The following VGLL4 variants were observed in gnomAD, a reference collection of about 807,000 sequenced individuals.
The protein encoded by VGLL4 is transcription cofactor vestigial-like protein 4.
VGLL4 carries 7 observed loss-of-function variants against 21.0 expected under a neutral mutation model. That is an observed-to-expected ratio of 0.33 (90% CI 0.19 to 0.63). The LOEUF (loss-of-function observed/expected upper bound fraction) is 0.63, where lower values mean the gene tolerates loss of function less well. Ranked by LOEUF, VGLL4 falls within the 20% of genes least tolerant of loss-of-function variation. The pLI, the probability that VGLL4 is intolerant of heterozygous loss-of-function variation, is 0.78. For missense variants in VGLL4, 394 were observed against 425.7 expected, an observed-to-expected ratio of 0.93 and a Z score of 0.66; for synonymous variants, 222 against 173.2, an observed-to-expected ratio of 1.28 and a Z score of -2.21.
intron 2 of VGLL4, among the ~76,000 whole-genome samples, chr3:11,691,970 A>G (rs533520095): frequency 6.9e-6 from 1 of 144,048 alleles, no homozygotes; most frequent in Non-Finnish European, 1.5e-5. Context: ...GGGTAGGGAG[A>G]AGTGCACCAA....
intron 2 of VGLL4, among the ~76,000 whole-genome samples, chr3:11,655,034 TTTGTGAGGCCA>T (rs1317382604): frequency 6.6e-6 from 1 of 152,224 alleles, no homozygotes; most frequent in Non-Finnish European, 1.5e-5. Context: ...GAGGCTTCTA[TTTGTGAGGCCA>T]TTGGCATTAT....
chr3:11,575,712 T>C (rs892062773), intron 2 of VGLL4, among the ~76,000 whole-genome samples: 2 of 152,212 alleles, frequency 1.3e-5, no homozygotes, highest in Non-Finnish European at 2.9e-5. Flanking sequence ...TCTCCATCTT[T>C]CCATTCTCCC....
At chr3:11,688,004 C>A (rs1000873741) in intron 2 of VGLL4, among the ~76,000 whole-genome samples, 1 of 152,026 alleles carries the variant, frequency 6.6e-6, no homozygotes, top group Admixed American at 6.6e-5. Flanking sequence ...CAAATAGGTG[C>A]CGAATTTCAT....
chr3:11,643,185 G>C (rs963242086), intron 1 of VGLL4, among the ~76,000 whole-genome samples: 4 of 152,182 alleles, frequency 2.6e-5, no homozygotes, highest in Non-Finnish European at 5.9e-5. Context: ...TGAGGCGCGA[G>C]TACGTTGCAA....
At position 11,602,021 on chromosome 3, in the gene VGLL4, G is replaced by A. The variant is rs568979673; in HGVS notation, c.84C>T (p.Gly28=). The change falls in exon 2 of 5, where the codon GGC becomes GGT. Residue 28 remains glycine (G), a splice_region_variant and synonymous_variant. Coordinates refer to ENST00000430365, the MANE Select transcript of VGLL4 (RefSeq NM_001128219.3). ...NNNIGILCYE[G]EAALRGEPRI... is the part of the protein sequence containing the mutation. ...TGGGTTCTCCCCTGAGAGCAGCTTC[G>A]CCTACGCAGAGAGAGATGATGTAGT... 6.5e-5 allele frequency: 101 copies of A among 1,555,386 alleles called. No individual in the cohort carries two copies. The highest frequency in any genetic ancestry group is 3.1e-4 in the South Asian group (26 of 82,626).
chr3:11,708,297 C>T (rs559467597), intron 1 of VGLL4, among the ~76,000 whole-genome samples: 1 of 152,346 alleles, frequency 6.6e-6, no homozygotes, highest in Non-Finnish European at 1.5e-5. Context: ...ACTACTTTAG[C>T]TAGCGTGGTC....
chr3:11,576,597 C>T lies in VGLL4; in HGVS notation c.273-11578G>A, dbSNP rs143699542. Reference sequence around the variant, plus strand: ...GTCGGCATCCTGCCTTGCCATCCTCCGGGGACTACTTGAGACAGCTGAGGC... The same window carrying T: ...GTCGGCATCCTGCCTTGCCATCCTCTGGGGACTACTTGAGACAGCTGAGGC... On this transcript the variant is annotated intron_variant, in intron 2 of 4. Transcript: ENST00000430365. Among the ~76,000 whole-genome samples, 460 of 152,296 alleles carry T rather than the reference C, an allele frequency of 3.0e-3. 5 individuals are homozygous for T. The highest frequency in any genetic ancestry group is 0.011 in the African/African-American group (440 of 41,572).
chr3:11,589,013 T>A (rs1339423952), intron 2 of VGLL4, among the ~76,000 whole-genome samples: 1 of 152,028 alleles, frequency 6.6e-6, no homozygotes, highest in Admixed American at 6.5e-5. Context: ...TAACAACGAG[T>A]CTCTGGAAGA....
chr3:11,715,134 CAAAA>C (rs755588824), intron 1 of VGLL4, among the ~76,000 whole-genome samples: 6 of 54,800 alleles, frequency 1.1e-4, no homozygotes, highest in Admixed American at 4.1e-4. Context: ...GACTCCGTCT[CAAAA>C]AAAAAAAAAA....
intron 2 of VGLL4, among the ~76,000 whole-genome samples, chr3:11,569,763 T>A (rs1307716387): frequency 6.6e-6 from 1 of 152,138 alleles, no homozygotes; most frequent in Non-Finnish European, 1.5e-5. Context: ...GCACCTGTGG[T>A]CCCAGCTACT....
At chr3:11,634,709 ACT>A (rs201867490) in intron 1 of VGLL4, among the ~76,000 whole-genome samples, 4,310 of 150,316 alleles carry the variant, frequency 0.029, 154 homozygotes, top group East Asian at 0.11. Context: ...ACCGAGTCTC[ACT>A]CTGTTGCCCA....
chr3:11,656,652 G>A (rs76207780), intron 2 of VGLL4, among the ~76,000 whole-genome samples: 13,066 of 152,200 alleles, frequency 0.086, 780 homozygotes, highest in African/African-American at 0.17. Flanking sequence ...GGGAGGGAGA[G>A]CACACCCCAA....
rs529709511 is a variant in VGLL4, at chr3:11,703,640, T to C, written c.-13-593A>G. ...AGACTGGATTTTTATTGTTGTTTCCTTAAATTACAGCATACTATAAAAGCT... is the reference window on the plus strand; with the variant it reads ...AGACTGGATTTTTATTGTTGTTTCCCTAAATTACAGCATACTATAAAAGCT... On this transcript the variant is annotated intron_variant, in intron 1 of 5. Coordinates refer to the VGLL4 transcript ENST00000273038. 2.0e-5 allele frequency among the ~76,000 whole-genome samples: 3 copies of C among 152,354 alleles called. No individual in the cohort carries two copies. The East Asian group carries it at 5.8e-4, about 29-fold the overall frequency.
chr3:11,696,779 C>A lies in VGLL4; in HGVS notation c.64+6192G>T, dbSNP rs570438163. Among the ~76,000 whole-genome samples the A allele has an allele frequency of 7.9e-5, 12 of 152,254 alleles. No homozygotes were observed. The South Asian group carries it at 2.5e-3, about 32-fold the overall frequency. On this transcript the variant is annotated intron_variant, in intron 2 of 5. Transcript: ENST00000273038. The stretch of plus-strand genomic sequence containing the variant: ...TTTAGAGACAGGGTCTCAGTCGTCG[C>A]CCAGGCTGGAGTGCGGTGGCACCAT...
At chr3:11,569,396 T>C (rs2073682278) in intron 2 of VGLL4, among the ~76,000 whole-genome samples, 1 of 151,884 alleles carries the variant, frequency 6.6e-6, no homozygotes, top group Admixed American at 6.5e-5. Flanking sequence ...TCCCACCCAG[T>C]GAAAGAGATG....
At chr3:11,632,814 C>G (rs1306137508) in intron 1 of VGLL4, among the ~76,000 whole-genome samples, 2 of 152,208 alleles carry the variant, frequency 1.3e-5, no homozygotes, top group African/African-American at 2.4e-5. Context: ...AGGGATCTTG[C>G]TGTCTGTTTT....
chr3:11,643,254 C>G (rs978308851), intron 1 of VGLL4, among the ~76,000 whole-genome samples, 183 bp downstream of exon 1: 1 of 152,174 alleles, frequency 6.6e-6, no homozygotes, highest in African/African-American at 2.4e-5. Context: ...GCCCCCTCCA[C>G]CGCCCCCCGC....
intron 2 of VGLL4, among the ~76,000 whole-genome samples, chr3:11,652,698 G>A (rs2075894038): frequency 6.6e-6 from 1 of 152,170 alleles, no homozygotes; most frequent in Non-Finnish European, 1.5e-5. Flanking sequence ...TGGGACTACA[G>A]GCTAAGGAAT....
chr3:11,641,285 A>C (rs188085802), intron 1 of VGLL4, among the ~76,000 whole-genome samples: 140 of 152,282 alleles, frequency 9.2e-4, no homozygotes, highest in African/African-American at 3.2e-3. Context: ...CCTTATTCTT[A>C]AGGGGCATGA....
Sources: allele counts gnomAD v4.1 joint callset (sites outside exome capture counted in the v4.1 genomes callset), GRCh38; gene constraint gnomAD v4.1.1; transcripts MANE v1.5; gene names NCBI Gene and HGNC (gene_info 2026-07-23, HGNC 2026-07-21).